Variants in SEMA5B observed in about 807,000 individuals in gnomAD.
SEMA5B encodes semaphorin-5B.
A neutral mutation model predicts 135.0 loss-of-function variants in SEMA5B; 66 were observed. That is an observed-to-expected ratio of 0.49 (90% CI 0.40 to 0.60). The LOEUF (loss-of-function observed/expected upper bound fraction) is 0.60, where lower values mean the gene tolerates loss of function less well. Ranked by LOEUF, SEMA5B falls within the 20% of genes least tolerant of loss-of-function variation. The pLI, the probability that SEMA5B is intolerant of heterozygous loss-of-function variation, is 0.00. For missense variants in SEMA5B, 1,501 were observed against 1,566.3 expected, an observed-to-expected ratio of 0.96 and a Z score of 0.70; for synonymous variants, 690 against 639.5, an observed-to-expected ratio of 1.08 and a Z score of -1.19.
At chr3:123,004,464 GA>G (rs1433650269) in intron 1 of SEMA5B, among the ~76,000 whole-genome samples, 4 of 152,204 alleles carry the variant, frequency 2.6e-5, no homozygotes, top group African/African-American at 4.8e-5. Context: ...GGGACACCAA[GA>G]AAAGGTTACA....
At chr3:123,027,884 G>C (rs2107864255), upstream of SEMA5B, 1 of 152,128 alleles carries the variant, frequency 6.6e-6, no homozygotes, top group East Asian at 1.9e-4. Context: ...CTGCCGCGGC[G>C]GGCGCTGCAC....
chr3:122,940,674 C>T (rs917696988), intron 4 of SEMA5B, among the ~76,000 whole-genome samples: 4 of 152,214 alleles, frequency 2.6e-5, no homozygotes, highest in African/African-American at 4.8e-5. Flanking sequence ...AAGGAGATGC[C>T]GCAGGCCAGG....
chr3:122,957,676 C>G (rs10934626), intron 2 of SEMA5B, among the ~76,000 whole-genome samples: 17 of 152,272 alleles, frequency 1.1e-4, no homozygotes, highest in Middle Eastern at 3.4e-3. Flanking sequence ...CTCACAGCAG[C>G]TTTGCAAGAA....
intron 1 of SEMA5B, among the ~76,000 whole-genome samples, chr3:122,981,858 A>G (rs1355792773): frequency 1.3e-5 from 2 of 152,160 alleles, no homozygotes; most frequent in African/African-American, 4.8e-5. Flanking sequence ...GGCAACCAGG[A>G]TCTGGTGTGA....
chr3:122,997,527 C>T (rs137940720), intron 1 of SEMA5B, among the ~76,000 whole-genome samples: 32 of 151,918 alleles, frequency 2.1e-4, no homozygotes, highest in African/African-American at 7.2e-4. Flanking sequence ...CTCCCCCCCC[C>T]GTCTCCACCA....
intron 1 of SEMA5B, among the ~76,000 whole-genome samples, chr3:122,992,550 C>T (rs1941910552): frequency 6.6e-6 from 1 of 152,100 alleles, no homozygotes; most frequent in Non-Finnish European, 1.5e-5. Context: ...GAAACTTCTC[C>T]TTCCAGGGTC....
intron 1 of SEMA5B, among the ~76,000 whole-genome samples, chr3:123,007,178 C>A (rs1209548893): frequency 1.3e-5 from 2 of 152,128 alleles, no homozygotes; most frequent in African/African-American, 2.4e-5. Context: ...CTTGCTCTTG[C>A]CCCCTTCCTT....
chr3:122,950,050 T>C (rs1473347704), intron 2 of SEMA5B, among the ~76,000 whole-genome samples: 2 of 152,162 alleles, frequency 1.3e-5, no homozygotes, highest in African/African-American at 4.8e-5. Context: ...TTCTGGACAG[T>C]GAGCAAGATG....
chr3:122,920,670 G>T (rs185571096), intron 12 of SEMA5B, among the ~76,000 whole-genome samples: 3 of 152,292 alleles, frequency 2.0e-5, no homozygotes, highest in East Asian at 3.9e-4. Context: ...AGCTCAAAAA[G>T]ATTTAGTTGT....
intron 1 of SEMA5B, among the ~76,000 whole-genome samples, chr3:122,986,124 A>C (rs557789713): frequency 6.6e-6 from 1 of 152,326 alleles, no homozygotes; most frequent in East Asian, 1.9e-4. Flanking sequence ...TCTTGCCAAC[A>C]CCAAGTCCAG....
chr3:123,004,991 G>C (rs1022389633), intron 1 of SEMA5B, among the ~76,000 whole-genome samples: 31 of 152,144 alleles, frequency 2.0e-4, no homozygotes, highest in Non-Finnish European at 3.7e-4. Flanking sequence ...GGAGAACCAG[G>C]GCCTGGTGGA....
intron 3 of SEMA5B, among the ~76,000 whole-genome samples, chr3:122,945,049 A>G (rs976216386): frequency 2.0e-5 from 3 of 152,172 alleles, no homozygotes; most frequent in Non-Finnish European, 2.9e-5. Context: ...CAAAGGAAAT[A>G]AATCATTGCT....
intron 1 of SEMA5B, among the ~76,000 whole-genome samples, chr3:123,013,483 C>T (rs1486465841): frequency 2.6e-5 from 4 of 152,182 alleles, no homozygotes; most frequent in African/African-American, 9.7e-5. Context: ...TGACAACCTT[C>T]TGAAGTAGGT....
chr3:122,971,325 T>C (rs2107645936), intron 1 of SEMA5B, among the ~76,000 whole-genome samples: 1 of 152,356 alleles, frequency 6.6e-6, no homozygotes, highest in Non-Finnish European at 1.5e-5. Context: ...AATGAGAGAA[T>C]GACTGAATGG....
chr3:122,910,229 T>A lies in SEMA5B; in HGVS notation c.3370A>T (p.Thr1124Ser), dbSNP rs1276996056. 1.9e-6 allele frequency: 3 copies of A among 1,614,104 alleles called. No individual in the cohort carries two copies. The Admixed American group carries it at 5.0e-5, about 27-fold the overall frequency. Reference sequence around the variant, plus strand: ...AGGGGGCTTGGGTAGTAAGTAGTCGTGTACACATTGGTCTGCTGCAATGGG... The same window carrying A: ...AGGGGGCTTGGGTAGTAAGTAGTCGAGTACACATTGGTCTGCTGCAATGGG... The part of the protein sequence containing the change: ...FYPLQQTNVY[T>S]TTYYPSPLNK... The change falls in exon 23 of 23, where the codon ACG (threonine) becomes TCG (serine). Residue 1124 changes from threonine to serine, a missense_variant. Physicochemically the swap from Thr to Ser is moderately conservative, Grantham distance 58. Transcript: ENST00000357599.
intron 5 of SEMA5B, among the ~76,000 whole-genome samples, chr3:122,937,860 C>T (rs760404309): frequency 4.6e-5 from 7 of 152,224 alleles, no homozygotes; most frequent in Non-Finnish European, 1.0e-4. Context: ...CAAATAAAAA[C>T]CCAGCTGCCT....
At chr3:122,919,234 C>A (rs972126094) in intron 12 of SEMA5B, among the ~76,000 whole-genome samples, 4 of 152,044 alleles carry the variant, frequency 2.6e-5, no homozygotes, top group Admixed American at 2.6e-4. Context: ...GCTCATGGGG[C>A]AGCCAGGGGA....
chr3:122,940,224 G>A (rs1201017734), intron 4 of SEMA5B, among the ~76,000 whole-genome samples: 6 of 152,326 alleles, frequency 3.9e-5, no homozygotes, highest in Admixed American at 3.9e-4. Flanking sequence ...GACACTTATT[G>A]AGTATCATAA....
rs750664515 is a variant in SEMA5B at position 122,961,307 on chromosome 3, G to A, written c.-38-6C>T. 1.7e-5 allele frequency: 28 copies of A among 1,612,446 alleles called. No homozygotes were observed. In the Middle Eastern group the frequency reaches 4.9e-4, roughly 28 times the overall value. On this transcript the variant is annotated splice_polypyrimidine_tract_variant and splice_region_variant and intron_variant, in intron 1 of 22. Transcript: ENST00000357599. ...GCACCAGCTGGAACCACTCACTGAA[G>A]GGGGAGAATTTTGGGTAAGTCATGG...
Sources: gnomAD v4.1 joint callset for allele counts (sites outside exome capture counted in the v4.1 genomes callset) on GRCh38, gnomAD v4.1.1 for gene constraint, MANE v1.5 for transcripts, NCBI Gene and HGNC (gene_info 2026-07-23, HGNC 2026-07-21) for gene names.